The following COX7B2 variants were observed in gnomAD, a reference collection of about 807,000 sequenced individuals.
The protein encoded by COX7B2 is cytochrome c oxidase subunit 7B2.
For synonymous variants in COX7B2, 37 were observed against 32.1 expected, an observed-to-expected ratio of 1.15 and a Z score of -0.51; for missense variants, 109 against 95.9, an observed-to-expected ratio of 1.14 and a Z score of -0.57.
intron 1 of COX7B2, among the ~76,000 whole-genome samples, chr4:46,895,179 C>G (rs1320042566): frequency 6.6e-6 from 1 of 152,128 alleles, no homozygotes; most frequent in African/African-American, 2.4e-5. Context: ...TATAAAGACA[C>G]ATGTACACCA....
intron 2 of COX7B2, among the ~76,000 whole-genome samples, chr4:46,779,689 G>A (rs141772556): frequency 2.0e-5 from 3 of 151,700 alleles, no homozygotes; most frequent in East Asian, 1.9e-4. Flanking sequence ...ACCAACACTC[G>A]CTATCTCTTG....
chr4:46,886,536 T>A (rs924701803), intron 1 of COX7B2, among the ~76,000 whole-genome samples: 1 of 152,142 alleles, frequency 6.6e-6, no homozygotes, highest in African/African-American at 2.4e-5. Context: ...ACAACTCTTA[T>A]TCTCACAAGT....
intron 1 of COX7B2, among the ~76,000 whole-genome samples, chr4:46,882,317 T>C (rs982087981): frequency 6.6e-6 from 1 of 152,178 alleles, no homozygotes; most frequent in Non-Finnish European, 1.5e-5. Flanking sequence ...ATCCATCTGG[T>C]CCAATGTTGA....
intron 1 of COX7B2, among the ~76,000 whole-genome samples, chr4:46,902,471 G>A (rs535053895): frequency 3.9e-5 from 6 of 152,166 alleles, no homozygotes; most frequent in Non-Finnish European, 5.9e-5. Context: ...ATGGTCAGTC[G>A]GCATGGCTGT....
At chr4:46,799,970 C>G (rs1275762723) in intron 2 of COX7B2, among the ~76,000 whole-genome samples, 1 of 152,054 alleles carries the variant, frequency 6.6e-6, no homozygotes, top group Non-Finnish European at 1.5e-5. Context: ...GTGAATCTGT[C>G]AGGTTCAGGG....
chr4:46,819,898 A>G (rs1360232234), intron 2 of COX7B2, among the ~76,000 whole-genome samples: 1 of 152,206 alleles, frequency 6.6e-6, no homozygotes, highest in Non-Finnish European at 1.5e-5. Flanking sequence ...CTACTTAGAT[A>G]TGGATTAGGA....
intron 2 of COX7B2, among the ~76,000 whole-genome samples, chr4:46,801,392 T>C (rs1407999174): frequency 1.3e-5 from 2 of 152,058 alleles, no homozygotes; most frequent in Non-Finnish European, 2.9e-5. Flanking sequence ...ACAAATACAT[T>C]GCAGCTAAGA....
At chr4:46,764,505 TG>T (rs1716410430) in intron 2 of COX7B2, among the ~76,000 whole-genome samples, 1 of 151,880 alleles carries the variant, frequency 6.6e-6, no homozygotes. Context: ...ATCAGGCCAC[TG>T]CACTCCAGTC....
chr4:46,782,014 G>A (rs534800954), intron 2 of COX7B2, among the ~76,000 whole-genome samples: 49 of 152,262 alleles, frequency 3.2e-4, no homozygotes, highest in Admixed American at 1.3e-3. Flanking sequence ...GCACCTGGTC[G>A]CACTGACCTC....
chr4:46,817,928 G>T (rs1008050961), intron 2 of COX7B2, among the ~76,000 whole-genome samples: 1 of 152,120 alleles, frequency 6.6e-6, no homozygotes, highest in Non-Finnish European at 1.5e-5. Context: ...TTGAACCTAC[G>T]CATTTCTCAG....
intron 1 of COX7B2, among the ~76,000 whole-genome samples, chr4:46,869,737 G>T (rs1717872895): frequency 6.6e-6 from 1 of 152,076 alleles, no homozygotes; most frequent in Non-Finnish European, 1.5e-5. Flanking sequence ...CAGCTGAGAG[G>T]TCTGCTGTTA....
At position 46,760,025 on chromosome 4, in the gene COX7B2, T is replaced by A. The variant is rs1482592535; in HGVS notation, c.-49-24784A>T. 2.6e-5 allele frequency among the ~76,000 whole-genome samples: 4 copies of A among 152,102 alleles called. No homozygotes were observed. In the East Asian group the frequency reaches 7.7e-4, roughly 29 times the overall value. ...ATTACCGTAACAGAAACAAGAACAGTTCAGCTCTTTCACCAGCCCTGGGAC... is the reference window on the plus strand; with the variant it reads ...ATTACCGTAACAGAAACAAGAACAGATCAGCTCTTTCACCAGCCCTGGGAC... On this transcript the variant is annotated intron_variant, in intron 2 of 2. Coordinates refer to ENST00000355591, the MANE Select transcript of COX7B2 (RefSeq NM_130902.3).
At chr4:46,908,993 G>A (rs900442498) in intron 1 of COX7B2, among the ~76,000 whole-genome samples, 167 bp downstream of exon 1, 7 of 151,624 alleles carry the variant, frequency 4.6e-5, no homozygotes, top group African/African-American at 1.7e-4. Context: ...GCAGTGAGCC[G>A]AGATGGCGTC....
intron 2 of COX7B2, among the ~76,000 whole-genome samples, chr4:46,805,613 T>TA (rs2109643383): frequency 1.3e-5 from 2 of 152,316 alleles, no homozygotes; most frequent in South Asian, 4.1e-4. Context: ...TTCAGGTTTT[T>TA]AAAAAAATTT....
chr4:46,758,991 G>C (rs1036237490), intron 2 of COX7B2, among the ~76,000 whole-genome samples: 4 of 152,100 alleles, frequency 2.6e-5, no homozygotes, highest in African/African-American at 9.7e-5. Context: ...TAGTGAATAA[G>C]ATTGTGGAAC....
chr4:46,831,371 G>A (rs531299158), intron 2 of COX7B2, among the ~76,000 whole-genome samples: 12 of 152,100 alleles, frequency 7.9e-5, no homozygotes, highest in Admixed American at 3.3e-4. Context: ...CCTCCTCAAC[G>A]AGTGCCACCC....
At position 46,830,811 on chromosome 4, in the gene COX7B2, T is replaced by A. The variant is rs151059665; in HGVS notation, c.-50+14149A>T. ...CTGCAAATGGCTTTCAAAGTTTTACTGGGCATTAATGTACAGTCATCTCAC... is the reference window on the plus strand; with the variant it reads ...CTGCAAATGGCTTTCAAAGTTTTACAGGGCATTAATGTACAGTCATCTCAC... On this transcript the variant is annotated intron_variant, in intron 2 of 2. Transcript: ENST00000355591. Among the ~76,000 whole-genome samples the A allele has an allele frequency of 3.3e-5, 5 of 152,380 alleles. No homozygotes were observed. In the East Asian group the frequency reaches 9.7e-4, roughly 29 times the overall value.
intron 1 of COX7B2, among the ~76,000 whole-genome samples, chr4:46,853,362 C>A (rs1253823429): frequency 2.6e-5 from 4 of 152,128 alleles, no homozygotes; most frequent in Admixed American, 2.6e-4. Flanking sequence ...TTACATACTT[C>A]TTTCTCCAAC....
intron 2 of COX7B2, among the ~76,000 whole-genome samples, chr4:46,752,677 C>T (rs1412547037): frequency 6.6e-6 from 1 of 152,088 alleles, no homozygotes; most frequent in African/African-American, 2.4e-5. Context: ...TTGAGATAAT[C>T]ATGTGGTTTT....
Sources: gnomAD v4.1 joint callset for allele counts (sites outside exome capture counted in the v4.1 genomes callset) on GRCh38, gnomAD v4.1.1 for gene constraint, MANE v1.5 for transcripts, NCBI Gene and HGNC (gene_info 2026-07-23, HGNC 2026-07-21) for gene names.